The following MICAL3 variants were observed in gnomAD, a reference collection of about 807,000 sequenced individuals.
The protein encoded by MICAL3 is microtubule associated monooxygenase, calponin and LIM domain containing 3.
In MICAL3, 62 loss-of-function variants were observed where a neutral mutation model predicts 207.4. The observed-to-expected ratio is 0.30, with a 90% CI of 0.24 to 0.37. The LOEUF is 0.37. MICAL3 is among the 10% of genes least tolerant of loss of function. The pLI is 1.00. For synonymous variants in MICAL3, 1,077 were observed against 1,069.3 expected, an observed-to-expected ratio of 1.01 and a Z score of -0.14; for missense variants, 2,368 against 2,635.6, an observed-to-expected ratio of 0.90 and a Z score of 2.22.
chr22:17,941,368 G>A (rs1191492303), intron 1 of MICAL3, among the ~76,000 whole-genome samples: 1 of 152,246 alleles, frequency 6.6e-6, no homozygotes, highest in African/African-American at 2.4e-5. Flanking sequence ...ATGATGGCAG[G>A]TGTGATCTTG....
chr22:17,863,001 T>C, intron 19 of MICAL3: 1 of 985,320 alleles, frequency 1.0e-6, no homozygotes, highest in Non-Finnish European at 1.2e-6. Context: ...GCTCTGACTC[T>C]TTCTTGGTGG....
At chr22:17,904,866 A>ACAC in intron 2 of MICAL3, 27 bp from the exon 3 acceptor site, 1 of 1,527,118 alleles carries the variant, frequency 6.5e-7, no homozygotes, top group Non-Finnish European at 9.1e-7. Context: ...CTTTCAGGGC[A>ACAC]GGCGGCACTT....
At chr22:17,809,068 C>A (rs1244980589) in intron 28 of MICAL3, 131 bp from the exon 29 acceptor site, 1 of 748,328 alleles carries the variant, frequency 1.3e-6, no homozygotes, top group Non-Finnish European at 2.2e-6. Context: ...GTGGGCGGTG[C>A]GCTCAGGGTG....
At chr22:17,944,021 T>C (rs1327720708) in intron 1 of MICAL3, among the ~76,000 whole-genome samples, 1 of 152,114 alleles carries the variant, frequency 6.6e-6, no homozygotes, top group Non-Finnish European at 1.5e-5. Context: ...CTGCCAACAC[T>C]GACAGTGGAA....
intron 1 of MICAL3, among the ~76,000 whole-genome samples, chr22:17,987,340 C>T (rs1049974743): frequency 1.2e-4 from 18 of 152,242 alleles, no homozygotes; most frequent in Non-Finnish European, 8.8e-5. Context: ...TGTAACTGAG[C>T]GGCTGTTCTG....
chr22:17,929,209 CT>C (rs1460986912), intron 1 of MICAL3, among the ~76,000 whole-genome samples: 3 of 151,662 alleles, frequency 2.0e-5, no homozygotes, highest in Non-Finnish European at 4.4e-5. Context: ...ACAATTCCCC[CT>C]ACCTCAGCCT....
Position 17,816,711 on chromosome 22 carries a change from G to C in MICAL3, c.5424C>G (p.Ser1808=). The C allele has an allele frequency of 1.3e-6, 2 of 1,553,214 alleles. No individual in the cohort carries two copies. The highest frequency in any genetic ancestry group is 1.7e-6 in the Non-Finnish European group (2 of 1,148,034). ...CCACCTCTCGCCGGGACTTCTGTGA[G>C]GACTTCTCAAGGACATCGTCGCTGG... The part of the protein sequence containing the change: ...DLSSDDVLEK[S]SQKSRREPRT... Residue 1808 remains serine (S), a synonymous_variant, in exon 27 of 32, where the codon TCC becomes TCG. Transcript: ENST00000441493.
intron 1 of MICAL3, chr22:17,983,212 C>T (rs25143): frequency 0.58 from 88,963 of 152,114 alleles, 26,530 homozygotes; most frequent in Middle Eastern, 0.72. Context: ...TCTTCTCACA[C>T]TGCTGCACCA....
chr22:17,887,467 A>G (rs755164636), intron 13 of MICAL3, 32 bp from the exon 14 acceptor site: 29 of 1,524,724 alleles, frequency 1.9e-5, no homozygotes, highest in Non-Finnish European at 2.5e-5. Context: ...GTTCAAGCAC[A>G]GCCCTTGAGG....
At chr22:17,829,814 C>T (rs965070891) in intron 21 of MICAL3, among the ~76,000 whole-genome samples, 3 of 152,146 alleles carry the variant, frequency 2.0e-5, no homozygotes, top group African/African-American at 7.2e-5. Context: ...TAGATGGGGC[C>T]GCATTCCATG....
chr22:18,017,244 G>A (rs995411443), intron 1 of MICAL3, among the ~76,000 whole-genome samples: 11 of 149,178 alleles, frequency 7.4e-5, no homozygotes, highest in African/African-American at 2.2e-4. Context: ...ACGGAGTCTC[G>A]CTCTTCTTGC....
At position 17,793,899 on chromosome 22, in the gene MICAL3, T is replaced by A. The variant is rs1569065975; in HGVS notation, c.5651-2598A>T. 1 of 150,332 alleles carries A rather than the reference T, an allele frequency of 6.7e-6. No individual in the cohort carries two copies. Among genetic ancestry groups the A allele is most frequent in the African/African-American group, 2.5e-5 (1 of 40,664 alleles). 9.3% of individuals were successfully genotyped at this position (150,332 alleles called of 1,614,324 possible). A position where few individuals can be genotyped will look rare whatever the true frequency, so the allele number is the denominator to read the frequency against. ...GAAGTGGAGAGGGACAGGGAGAAGG[T>A]GGAATAAAAACAAGCAGAGGACAAA... is the stretch of plus-strand genomic sequence containing the variant. On this transcript the variant is annotated intron_variant, in intron 29 of 31. Transcript: ENST00000441493. This position sits in a 1 kb window ranked among gnomAD's most constrained non-coding sequence, Gnocchi z 4.1.
intron 1 of MICAL3, among the ~76,000 whole-genome samples, chr22:18,012,196 C>T (rs1312780366): frequency 6.6e-6 from 1 of 152,202 alleles, no homozygotes; most frequent in Non-Finnish European, 1.5e-5. Context: ...GATTGTGCCA[C>T]TGCACTCAAT....
rs552601415 is a variant in MICAL3, at chr22:17,929,592, G to A, written c.-74-22706C>T. On this transcript the variant is annotated intron_variant, in intron 1 of 31. Transcript: ENST00000441493. ...TCTTTTTTTTTTTTTTTTTTTGACA[G>A]GGTCTTGCTCTGTTGCCCAGGTTGG... Among the ~76,000 whole-genome samples, 40 of 78,808 alleles carry A rather than the reference G, an allele frequency of 5.1e-4. 1 individual carries two copies. The South Asian group carries it at 0.017, about 33-fold the overall frequency. 51.7% of individuals were successfully genotyped at this position (78,808 alleles called of 152,430 possible). A position where few individuals can be genotyped will look rare whatever the true frequency, so the allele number is the denominator to read the frequency against.
At chr22:17,861,969 A>T in intron 19 of MICAL3, 1 of 985,438 alleles carries the variant, frequency 1.0e-6, no homozygotes, top group Non-Finnish European at 1.2e-6. Flanking sequence ...ATTTTGGCAT[A>T]AAAAGAAAAA....
At chr22:17,950,405 T>C (rs1417299307) in intron 1 of MICAL3, among the ~76,000 whole-genome samples, 1 of 135,964 alleles carries the variant, frequency 7.4e-6, no homozygotes, top group African/African-American at 2.6e-5. Flanking sequence ...GCGCAATTGA[T>C]CCTGGTTCAC....
At chr22:17,855,215 G>A (rs1925768721) in intron 19 of MICAL3, among the ~76,000 whole-genome samples, 1 of 152,198 alleles carries the variant, frequency 6.6e-6, no homozygotes, top group Non-Finnish European at 1.5e-5. Context: ...AGTACAGAGT[G>A]GCCCAAGCCT....
chr22:17,889,034 C>T lies in MICAL3; in HGVS notation c.1891G>A (p.Asp631Asn), dbSNP rs917415890. The T allele has an allele frequency of 1.3e-6, 2 of 1,597,634 alleles. No individual in the cohort carries two copies. The highest frequency in any genetic ancestry group is 1.7e-6 in the Non-Finnish European group (2 of 1,167,576). The stretch of plus-strand genomic sequence containing the variant: ...CAAAGCAGCTCCTTCCAGGCCTTAC[C>T]GCTAGAGGGGAGGGAGTCCTTAAAC... ...EMFKDSLPSS[D>N]TLDLNAEEKA... The change falls in exon 13 of 32, where the codon GAC becomes AAC. Residue 631 changes from aspartate to asparagine, a missense_variant and splice_region_variant. Asp to Asn is a conservative substitution (Grantham distance 23, BLOSUM62 1). Coordinates refer to ENST00000441493, the MANE Select transcript of MICAL3 (RefSeq NM_015241.3).
At chr22:17,876,847 GGGAGGTTAT>G (rs1928518629) in intron 16 of MICAL3, 40 of 57,846 alleles carry the variant, frequency 6.9e-4, no homozygotes, top group Non-Finnish European at 8.7e-4. Context: ...AGGGAGGTTA[GGGAGGTTAT>G]GGAGGTTAGG....
Sources: allele counts gnomAD v4.1 joint callset (sites outside exome capture counted in the v4.1 genomes callset), GRCh38; gene constraint gnomAD v4.1.1; non-coding constraint Gnocchi (gnomAD v3.1); transcripts MANE v1.5; gene names NCBI Gene and HGNC (gene_info 2026-07-23, HGNC 2026-07-21).